Variants in TBC1D5 observed in about 807,000 individuals in gnomAD.
TBC1D5 encodes the protein TBC1 domain family member 5, also known as TBC1 domain family, member 5.
Under a neutral mutation model 100.3 loss-of-function variants are expected in TBC1D5, and 75 were observed. The observed-to-expected ratio is 0.75, with a 90% CI of 0.62 to 0.91. TBC1D5 has a LOEUF of 0.91. Ranked by LOEUF, TBC1D5 falls within the 40% of genes least tolerant of loss-of-function variation. The pLI, the probability that TBC1D5 is intolerant of heterozygous loss-of-function variation, is 0.00. For synonymous variants in TBC1D5, 323 were observed against 325.6 expected (o/e 0.99, Z 0.09); for missense variants, 910 against 942.4 (o/e 0.97, Z 0.45).
At chr3:17,523,735 T>A (rs1023199172) in intron 2 of TBC1D5, among the ~76,000 whole-genome samples, 1 of 152,198 alleles carries the variant, frequency 6.6e-6, no homozygotes, top group Non-Finnish European at 1.5e-5. Context: ...GTTTGCAGTT[T>A]ACAAAAATTT....
chr3:17,559,207 C>T (rs938255866), intron 2 of TBC1D5, among the ~76,000 whole-genome samples: 1 of 151,572 alleles, frequency 6.6e-6, no homozygotes, highest in Admixed American at 6.6e-5. Flanking sequence ...GCAGTGGCAT[C>T]TCGGTTCCCT....
At chr3:17,310,843 G>A (rs1328837203) in intron 13 of TBC1D5, among the ~76,000 whole-genome samples, 2 of 151,836 alleles carry the variant, frequency 1.3e-5, no homozygotes, top group Non-Finnish European at 2.9e-5. Flanking sequence ...AGAAAATCCA[G>A]GCCAAATTCT....
At chr3:17,264,285 C>T (rs912989871) in intron 15 of TBC1D5, among the ~76,000 whole-genome samples, 2 of 151,978 alleles carry the variant, frequency 1.3e-5, no homozygotes, top group Non-Finnish European at 2.9e-5. Flanking sequence ...TCAAACTCAT[C>T]CAACAAAGGT....
At chr3:17,735,592 T>A (rs11925353) in intron 1 of TBC1D5, among the ~76,000 whole-genome samples, 7,668 of 152,246 alleles carry the variant, frequency 0.05, 595 homozygotes, top group African/African-American at 0.17. Flanking sequence ...CGGTGAGTGT[T>A]ATAGCTCTAT....
intron 15 of TBC1D5, among the ~76,000 whole-genome samples, chr3:17,291,205 T>C (rs2081701093): frequency 6.6e-6 from 1 of 152,242 alleles, no homozygotes; most frequent in African/African-American, 2.4e-5. Context: ...CTTCCAATAT[T>C]TTTGTTTGGC....
chr3:17,392,010 T>G (rs73156369), intron 8 of TBC1D5, among the ~76,000 whole-genome samples: 13,692 of 152,102 alleles, frequency 0.09, 1,419 homozygotes, highest in African/African-American at 0.26. Flanking sequence ...TTTTTCTCAT[T>G]CCCAGCTTCT....
intron 2 of TBC1D5, among the ~76,000 whole-genome samples, chr3:17,572,246 T>G (rs2096631687): frequency 6.6e-6 from 1 of 151,776 alleles, no homozygotes; most frequent in African/African-American, 2.4e-5. Context: ...ATCTGCCTCC[T>G]GGGAGATCTG....
At chr3:17,605,398 T>A (rs1396942421) in intron 2 of TBC1D5, among the ~76,000 whole-genome samples, 2 of 152,224 alleles carry the variant, frequency 1.3e-5, no homozygotes, top group Non-Finnish European at 2.9e-5. Flanking sequence ...AACTCAGTCA[T>A]AAGTAATGTG....
At chr3:17,397,405 T>G (rs1261418726) in intron 8 of TBC1D5, among the ~76,000 whole-genome samples, 1 of 152,120 alleles carries the variant, frequency 6.6e-6, no homozygotes, top group African/African-American at 2.4e-5. Flanking sequence ...AGGATCTCAC[T>G]CTTTTACCCA....
At chr3:17,572,722 A>G (rs1404225463) in intron 2 of TBC1D5, among the ~76,000 whole-genome samples, 1 of 152,026 alleles carries the variant, frequency 6.6e-6, no homozygotes, top group African/African-American at 2.4e-5. Flanking sequence ...TTGGCACTTC[A>G]CTTCTGACCC....
intron 2 of TBC1D5, among the ~76,000 whole-genome samples, chr3:17,572,431 T>A (rs2096633141): frequency 6.6e-6 from 1 of 151,766 alleles, no homozygotes; most frequent in Non-Finnish European, 1.5e-5. Flanking sequence ...TCCTATAACA[T>A]CAACCTCTCT....
intron 1 of TBC1D5, among the ~76,000 whole-genome samples, chr3:17,639,282 T>C (rs1431587319): frequency 6.6e-6 from 1 of 152,072 alleles, no homozygotes; most frequent in Non-Finnish European, 1.5e-5. Flanking sequence ...AGACCAAATA[T>C]TATATTATTC....
At chr3:17,574,558 C>A (rs1199824486) in intron 2 of TBC1D5, among the ~76,000 whole-genome samples, 1 of 152,060 alleles carries the variant, frequency 6.6e-6, no homozygotes, top group Non-Finnish European at 1.5e-5. Flanking sequence ...AAGACAGAAT[C>A]CCTTTGCCTT....
chr3:17,276,122 C>T (rs1294215442), intron 15 of TBC1D5, among the ~76,000 whole-genome samples: 1 of 152,102 alleles, frequency 6.6e-6, no homozygotes. Flanking sequence ...TCTCACAATT[C>T]CAGGATAAAG....
chr3:17,705,367 C>T lies in TBC1D5; in HGVS notation c.-101+33976G>A, dbSNP rs1429025980. Among the ~76,000 whole-genome samples the T allele has an allele frequency of 5.4e-5, 7 of 129,608 alleles. 1 individual carries two copies. The highest frequency in any genetic ancestry group is 6.4e-4 in the East Asian group (2 of 3,140). The allele number at this position is 129,608 out of a possible 152,430, so 85.0% of individuals were successfully genotyped here. A position where few individuals can be genotyped will look rare whatever the true frequency, so the allele number is the denominator to read the frequency against. On this transcript the variant is annotated intron_variant, in intron 1 of 21. Transcript: ENST00000253692. ...GGCTGACCCCCCCCCACCTCCCTCC[C>T]GGACGGGGTGGCTGCCGGGCGGAGA... is the stretch of plus-strand genomic sequence containing the variant.
intron 1 of TBC1D5, among the ~76,000 whole-genome samples, chr3:17,725,386 A>C (rs114091251): frequency 0.02 from 3,092 of 152,058 alleles, 92 homozygotes; most frequent in African/African-American, 0.07. Context: ...GGAGCGAAGA[A>C]GTATTTTTTT....
At chr3:17,177,166 A>G (rs767268891) in intron 19 of TBC1D5, among the ~76,000 whole-genome samples, 1 of 152,268 alleles carries the variant, frequency 6.6e-6, no homozygotes, top group Non-Finnish European at 1.5e-5. Flanking sequence ...GGAAAAGCAC[A>G]TAAGAAAAAG....
At chr3:17,279,805 C>T (rs116823418) in intron 15 of TBC1D5, among the ~76,000 whole-genome samples, 1,813 of 152,296 alleles carry the variant, frequency 0.012, 29 homozygotes, top group African/African-American at 0.041. Flanking sequence ...ATCTGGGAAT[C>T]TGTATTTTTA....
At chr3:17,328,769 A>C (rs1166962203) in intron 13 of TBC1D5, among the ~76,000 whole-genome samples, 1 of 152,208 alleles carries the variant, frequency 6.6e-6, no homozygotes, top group Non-Finnish European at 1.5e-5. Flanking sequence ...TATAATCCAT[A>C]AAATTCCTTA....
Sources: gnomAD v4.1 joint callset for allele counts (sites outside exome capture counted in the v4.1 genomes callset) on GRCh38, gnomAD v4.1.1 for gene constraint, MANE v1.5 for transcripts, NCBI Gene and HGNC (gene_info 2026-07-23, HGNC 2026-07-21) for gene names.